MAGED2: variants seen among roughly 807,000 people sequenced by gnomAD.
The protein encoded by MAGED2 is MAGE family member D2.
In MAGED2, 6 loss-of-function variants were observed where a neutral mutation model predicts 41.7. That is an observed-to-expected ratio of 0.14 (90% CI 0.08 to 0.28). MAGED2 has a LOEUF of 0.28. Among genes scored for constraint, MAGED2 ranks in the 10% least tolerant of loss-of-function variants. MAGED2 has a pLI of 1.00. For synonymous variants in MAGED2, 146 were observed against 178.2 expected, an observed-to-expected ratio of 0.82 and a Z score of 1.44; for missense variants, 343 against 486.4, an observed-to-expected ratio of 0.71 and a Z score of 2.77.
intron 1 of MAGED2, among the ~76,000 whole-genome samples, chrX:54,808,016 G>C (rs1015359946): frequency 4.7e-4 from 51 of 108,681 alleles, no homozygotes; most frequent in Non-Finnish European, 7.8e-4. Context: ...GGAGAAAAAC[G>C]GGGAACCAGG....
intron 10 of MAGED2, 193 bp from the exon 11 acceptor site, chrX:54,814,468 G>C (rs756923011): frequency 3.7e-6 from 2 of 542,626 alleles, no homozygotes; most frequent in Non-Finnish European, 3.3e-6. Context: ...TCAAACTTGT[G>C]GCTTCCCTAT....
At chrX:54,811,442 T>C (rs1929800286) in intron 5 of MAGED2, 129 bp downstream of exon 5, 1 of 886,481 alleles carries the variant, frequency 1.1e-6, no homozygotes, top group Non-Finnish European at 1.6e-6. Flanking sequence ...TTGGCAGTGC[T>C]AGCATCTCTG....
At chrX:54,809,201 T>C (rs1929719891) in intron 1 of MAGED2, 102 bp from the exon 2 acceptor site, 1 of 550,868 alleles carries the variant, frequency 1.8e-6, no homozygotes, top group South Asian at 2.5e-5. Context: ...GTGGAGGGGG[T>C]TGGAATTGGG....
Position 54,810,251 on chromosome X carries a change from C to T in MAGED2, c.537+38C>T, listed in dbSNP as rs763999321. The stretch of plus-strand genomic sequence containing the variant: ...CAGTCACCACCCTTGGTTTTCTACT[C>T]CTCTCTCAGTTGATTCATTTGTTCT... On this transcript the variant is annotated intron_variant, in intron 3 of 12. Transcript: ENST00000375068. 1.4e-5 allele frequency: 12 copies of T among 857,824 alleles called. No homozygotes were observed. The Admixed American group carries it at 1.8e-4, about 13-fold the overall frequency. 70.7% of individuals were successfully genotyped at this position (857,824 alleles called of 1,213,427 possible). A position where few individuals can be genotyped will look rare whatever the true frequency, so the allele number is the denominator to read the frequency against.
intron 3 of MAGED2, among the ~76,000 whole-genome samples, 181 bp from the exon 4 acceptor site, chrX:54,810,640 G>A (rs780924063): frequency 8.9e-6 from 1 of 112,073 alleles, no homozygotes; most frequent in African/African-American, 3.2e-5. Context: ...CTGCTAGGCA[G>A]ATGAAACACC....
At chrX:54,813,587 A>G (rs1231552649) in intron 10 of MAGED2, 37 bp downstream of exon 10, 1 of 1,113,043 alleles carries the variant, frequency 9.0e-7, no homozygotes, top group Admixed American at 2.2e-5. Flanking sequence ...TGTCCCATGC[A>G]TTTGGCCTAT....
chrX:54,809,261 G>A, intron 1 of MAGED2, 42 bp from the exon 2 acceptor site: 3 of 1,091,537 alleles, frequency 2.7e-6, no homozygotes, highest in Admixed American at 2.2e-5. Context: ...GGGAGAGGAC[G>A]TTCAGTGGGC....
chrX:54,815,531 A>AGAGTGC lies in MAGED2; in HGVS notation c.1670_1671insGAGTGC (p.Asn557delinsLysSerAla), dbSNP rs1929940173. On this transcript the variant is annotated protein_altering_variant, in exon 12 of 13. Coordinates refer to ENST00000375068, the MANE Select transcript of MAGED2 (RefSeq NM_177433.3). Reference sequence around the variant, plus strand: ...ACTGGTGCCAGTACCAGTACCAATAACAGTGCCAGTGCCAGTGCCAGCACC... The same window carrying AGAGTGC: ...ACTGGTGCCAGTACCAGTACCAATAAGAGTGCCAGTGCCAGTGCCAGTGCCAGCACC... The AGAGTGC allele has an allele frequency of 8.4e-7, 1 of 1,184,498 alleles. No homozygotes were observed. The highest frequency in any genetic ancestry group is 2.3e-5 in the Admixed American group (1 of 42,924).
Position 54,813,072 on chromosome X carries a change from C to A in MAGED2, c.1166-46C>A, listed in dbSNP as rs111916558. On this transcript the variant is annotated intron_variant, in intron 8 of 12. Coordinates refer to ENST00000375068, the MANE Select transcript of MAGED2 (RefSeq NM_177433.3). ...GAATGGGTGGCTGTGGTCTAGATTCCATGTGTTCAATTTCTGTCCCTGTCT... is the reference window on the plus strand; with the variant it reads ...GAATGGGTGGCTGTGGTCTAGATTCAATGTGTTCAATTTCTGTCCCTGTCT... 3,733 of 1,210,322 alleles carry A rather than the reference C, an allele frequency of 3.1e-3. 53 individuals are homozygous for A. In the African/African-American group the frequency reaches 0.057, roughly 19 times the overall value.
chrX:54,814,326 G>A (rs1175660065), intron 10 of MAGED2: 16 of 412,169 alleles, frequency 3.9e-5, no homozygotes, highest in Admixed American at 1.0e-4. Context: ...TTCTGTGGTG[G>A]ACCTTTCTGG....
At chrX:54,814,582 A>G (rs1929906004) in intron 10 of MAGED2, 79 bp from the exon 11 acceptor site, 1 of 621,063 alleles carries the variant, frequency 1.6e-6, no homozygotes, top group South Asian at 2.2e-5. Flanking sequence ...TGATGTTGCC[A>G]TCTGGAGCCT....
At position 54,810,915 on chromosome X, in the gene MAGED2, C is replaced by T; in HGVS notation, c.632C>T (p.Ala211Val). 2 of 1,209,065 alleles carry T rather than the reference C, an allele frequency of 1.7e-6. No homozygotes were observed. The highest frequency in any genetic ancestry group is 2.3e-4 in the Middle Eastern group (1 of 4,296). Residue 211 changes from alanine to valine, a missense_variant, in exon 4 of 13, where the codon GCC becomes GTC. Physicochemically the swap from Ala to Val is moderately conservative, Grantham distance 64. This residue lies in a region of MAGED2 where 195 missense variants were observed against 221.2 expected (regional missense o/e 0.88). Transcript: ENST00000375068. ...GGRRVSKALM[A>V]SMARRASRGP... ...CGAAGGGTCTCAAAGGCCCTAATGG[C>T]CTCAATGGCCCGCAGGGCTTCAAGG...
In MAGED2 at chrX:54,809,880, G is replaced by A. The variant is rs755046012; in HGVS notation, c.204G>A (p.Glu68=). The A allele has an allele frequency of 5.0e-6, 6 of 1,191,408 alleles. No individual in the cohort carries two copies. The East Asian group carries it at 1.2e-4, about 24-fold the overall frequency. The change falls in exon 3 of 13, where the codon GAG becomes GAA. Residue 68 remains glutamate (E), a synonymous_variant. Transcript: ENST00000375068. The part of the protein sequence containing the change: ...SKASGVSKAT[E]VSKTPEAREA... The stretch of plus-strand genomic sequence containing the variant: ...CCTCTGGGGTCTCAAAGGCCACAGA[G>A]GTCTCAAAGACCCCAGAGGCTCGGG...
At chrX:54,813,585 G>C in intron 10 of MAGED2, 35 bp downstream of exon 10, 1 of 1,127,204 alleles carries the variant, frequency 8.9e-7, no homozygotes, top group Non-Finnish European at 1.2e-6. Flanking sequence ...TGTGTCCCAT[G>C]CATTTGGCCT....
chrX:54,810,262 T>G, intron 3 of MAGED2, 49 bp downstream of exon 3: 2 of 787,230 alleles, frequency 2.5e-6, no homozygotes, highest in Admixed American at 7.4e-5. Flanking sequence ...CTCTCTCAGT[T>G]GATTCATTTG....
chrX:54,812,377 C>A, intron 7 of MAGED2, 126 bp downstream of exon 7: 1 of 430,056 alleles, frequency 2.3e-6, no homozygotes, highest in Non-Finnish European at 4.1e-6. Context: ...AAGCCCCGTC[C>A]CAGTTCCTAT....
At chrX:54,813,687 A>T in intron 10 of MAGED2, 137 bp downstream of exon 10, 1 of 519,587 alleles carries the variant, frequency 1.9e-6, no homozygotes, top group East Asian at 3.5e-5. Context: ...AGGTGGGATT[A>T]TTCCTTGGGC....
Position 54,810,804 on chromosome X carries a change from C to T in MAGED2, c.538-17C>T. 8.7e-7 allele frequency: 1 copy of T among 1,144,967 alleles called. No homozygotes were observed. Among genetic ancestry groups the T allele is most frequent in the Non-Finnish European group, 1.2e-6 (1 of 861,931 alleles). The allele number at this position is 1,144,967 out of a possible 1,213,427, so 94.4% of individuals were successfully genotyped here. A position where few individuals can be genotyped will look rare whatever the true frequency, so the allele number is the denominator to read the frequency against. On this transcript the variant is annotated splice_polypyrimidine_tract_variant and intron_variant, in intron 3 of 12. Coordinates refer to ENST00000375068, the MANE Select transcript of MAGED2 (RefSeq NM_177433.3). ...TGCTTCATCTGGTGACGTTGAGCTT[C>T]CTCTCTGTTGATGCAGGTGAAGCAT...
chrX:54,808,989 C>A (rs1472484198), intron 1 of MAGED2: 2 of 310,418 alleles, frequency 6.4e-6, no homozygotes, highest in Non-Finnish European at 1.1e-5. Context: ...GGAAAGCGGG[C>A]GGGGCTGAGA....
Sources: allele counts gnomAD v4.1 joint callset (sites outside exome capture counted in the v4.1 genomes callset), GRCh38; gene constraint gnomAD v4.1.1; regional missense constraint gnomAD v4.1.1; transcripts MANE v1.5; gene names NCBI Gene and HGNC (gene_info 2026-07-23, HGNC 2026-07-21).